Variants in LNPK observed in about 807,000 individuals in gnomAD.
LNPK encodes the protein endoplasmic reticulum junction formation protein lunapark.
Under a neutral mutation model 55.2 loss-of-function variants are expected in LNPK, and 29 were observed. That is an observed-to-expected ratio of 0.53 (90% confidence interval 0.39 to 0.72). The LOEUF is 0.72. Among genes scored for constraint, LNPK ranks in the 30% least tolerant of loss-of-function variants. The pLI, the probability that LNPK is intolerant of heterozygous loss-of-function variation, is 0.00. For missense variants in LNPK, 467 were observed against 494.8 expected (o/e 0.94, Z 0.53); for synonymous variants, 162 against 168.2 (o/e 0.96, Z 0.29).
chr2:175,986,168 G>A (rs1687400879), intron 4 of LNPK, among the ~76,000 whole-genome samples: 1 of 152,004 alleles, frequency 6.6e-6, no homozygotes, highest in South Asian at 2.1e-4. Context: ...TATAGCATAA[G>A]GTAGTTCTCA....
At chr2:175,952,276 G>A (rs112717340) in intron 8 of LNPK, among the ~76,000 whole-genome samples, 3 of 151,902 alleles carry the variant, frequency 2.0e-5, no homozygotes, top group African/African-American at 7.2e-5. Context: ...GGGGGTGGGG[G>A]AATCTTTAAG....
At chr2:175,972,073 A>G (rs1215691663) in intron 5 of LNPK, among the ~76,000 whole-genome samples, 2 of 151,960 alleles carry the variant, frequency 1.3e-5, no homozygotes, top group African/African-American at 4.8e-5. Flanking sequence ...GTACCACCAC[A>G]CCAAGCTAAT....
chr2:175,936,291 G>A (rs1684543154), intron 12 of LNPK, among the ~76,000 whole-genome samples: 1 of 151,660 alleles, frequency 6.6e-6, no homozygotes, highest in South Asian at 2.1e-4. Context: ...CACATTTTAG[G>A]TTCACTCTTC....
intron 8 of LNPK, among the ~76,000 whole-genome samples, chr2:175,952,600 C>T (rs1356167621): frequency 3.3e-5 from 5 of 151,902 alleles, no homozygotes; most frequent in African/African-American, 9.7e-5. Context: ...TACCCTATTT[C>T]GCTATTCAAA....
At chr2:175,937,258 T>G (rs1048624775) in intron 12 of LNPK, 86 bp downstream of exon 12, 6 of 1,279,416 alleles carry the variant, frequency 4.7e-6, no homozygotes, top group Admixed American at 4.3e-5. Flanking sequence ...GATAAATTAA[T>G]CCATCTTTAT....
intron 8 of LNPK, among the ~76,000 whole-genome samples, chr2:175,951,796 T>A (rs1210235130): frequency 6.6e-6 from 1 of 151,854 alleles, no homozygotes; most frequent in Non-Finnish European, 1.5e-5. Flanking sequence ...TTTTATTTTT[T>A]AAGGAAATCT....
At chr2:175,968,008 ATAAAT>A (rs1686457523) in intron 6 of LNPK, among the ~76,000 whole-genome samples, 1 of 152,230 alleles carries the variant, frequency 6.6e-6, no homozygotes, top group Non-Finnish European at 1.5e-5. Context: ...ATACATTTAT[ATAAAT>A]TATAGTAGGT....
intron 5 of LNPK, among the ~76,000 whole-genome samples, chr2:175,976,899 T>C (rs965041853): frequency 7.9e-5 from 12 of 152,192 alleles, no homozygotes; most frequent in African/African-American, 2.9e-4. Flanking sequence ...ATGAGCCAAT[T>C]CCTTATAATA....
In LNPK at chr2:175,924,357, T is replaced by A. The variant is rs1459051858; in HGVS notation, c.*5610A>T. On this transcript the variant is annotated 3_prime_UTR_variant, in exon 13 of 13. Coordinates refer to ENST00000272748, the MANE Select transcript of LNPK (RefSeq NM_030650.3). ...GTACACAGATAATAAATCCAACAGG[T>A]AATATTGTAAAGTAATATTGTAAGA... 1 of 152,236 alleles carries A rather than the reference T, an allele frequency of 6.6e-6. No individual in the cohort carries two copies. The highest frequency in any genetic ancestry group is 1.5e-5 in the Non-Finnish European group (1 of 68,038). 9.4% of individuals were successfully genotyped at this position (152,236 alleles called of 1,614,324 possible). A position where few individuals can be genotyped will look rare whatever the true frequency, so the allele number is the denominator to read the frequency against.
At chr2:175,962,526 T>A (rs1489948195) in intron 8 of LNPK, among the ~76,000 whole-genome samples, 2 of 152,216 alleles carry the variant, frequency 1.3e-5, no homozygotes, top group Non-Finnish European at 2.9e-5. Context: ...ACTGCATCCC[T>A]TCCTTACACC....
At chr2:175,967,144 C>T (rs1686400281) in intron 6 of LNPK, among the ~76,000 whole-genome samples, 1 of 152,154 alleles carries the variant, frequency 6.6e-6, no homozygotes, top group Non-Finnish European at 1.5e-5. Flanking sequence ...AACTTTAAAA[C>T]ATTATAACAT....
rs1336597154 is a variant in LNPK at position 175,997,542 on chromosome 2, A to G, written c.-62-1896T>C. Among the ~76,000 whole-genome samples the G allele has an allele frequency of 2.0e-5, 3 of 152,132 alleles. No homozygotes were observed. The South Asian group carries it at 6.2e-4, about 32-fold the overall frequency. ...AGTGTTCTGTACACAACCAACCTAC[A>G]TATTTTGGTTTGAAGTAGAATTATA... On this transcript the variant is annotated intron_variant, in intron 1 of 12. Transcript: ENST00000272748.
chr2:175,928,427 C>A lies in LNPK; in HGVS notation c.*1540G>T, dbSNP rs938671499. 4 of 149,638 alleles carry A rather than the reference C, an allele frequency of 2.7e-5. No homozygotes were observed. Among genetic ancestry groups the A allele is most frequent in the Admixed American group, 6.7e-5 (1 of 14,892 alleles). 9.3% of individuals were successfully genotyped at this position (149,638 alleles called of 1,614,324 possible). On this transcript the variant is annotated 3_prime_UTR_variant, in exon 13 of 13. Transcript: ENST00000272748. ...TAGGTGACTTGCCCAAGACTACAGA[C>A]CTGAAATTTAAGCCCAATACGGCAG... is the stretch of plus-strand genomic sequence containing the variant.
intron 12 of LNPK, among the ~76,000 whole-genome samples, chr2:175,933,281 C>T (rs1684368937): frequency 1.3e-5 from 2 of 152,052 alleles, no homozygotes; most frequent in Admixed American, 6.6e-5. Context: ...ATCACTGCCC[C>T]ACCTATAAAC....
intron 4 of LNPK, among the ~76,000 whole-genome samples, chr2:175,986,430 T>A (rs746414176): frequency 4.6e-5 from 7 of 152,092 alleles, no homozygotes; most frequent in Non-Finnish European, 8.8e-5. Flanking sequence ...AAAAACATCA[T>A]ATCTTGAAAA....
chr2:175,954,520 A>G (rs962606375), intron 8 of LNPK, among the ~76,000 whole-genome samples: 6 of 152,198 alleles, frequency 3.9e-5, no homozygotes, highest in Non-Finnish European at 7.4e-5. Flanking sequence ...GTTTTCTATT[A>G]ATAATAATAT....
chr2:175,947,414 G>T, intron 9 of LNPK, 66 bp downstream of exon 9: 1 of 1,340,646 alleles, frequency 7.5e-7, no homozygotes, highest in Non-Finnish European at 1.1e-6. Flanking sequence ...ACCTGAAAAT[G>T]GCCCGTTTTA....
chr2:175,966,416 G>T (rs1686355373), intron 6 of LNPK, among the ~76,000 whole-genome samples: 1 of 152,074 alleles, frequency 6.6e-6, no homozygotes, highest in Non-Finnish European at 1.5e-5. Context: ...TACTGATTTG[G>T]ACAGATAACT....
intron 1 of LNPK, among the ~76,000 whole-genome samples, chr2:176,000,698 A>C (rs1163638753): frequency 1.3e-5 from 2 of 152,312 alleles, no homozygotes; most frequent in Admixed American, 6.5e-5. Context: ...CTATTTAATC[A>C]CCATCAACAG....
Sources: gnomAD v4.1 joint callset for allele counts (sites outside exome capture counted in the v4.1 genomes callset) on GRCh38, gnomAD v4.1.1 for gene constraint, MANE v1.5 for transcripts, NCBI Gene and HGNC (gene_info 2026-07-23, HGNC 2026-07-21) for gene names.